ARL16: variants seen among roughly 807,000 people sequenced by gnomAD.
ARL16 encodes ADP-ribosylation factor-like protein 16.
ARL16 carries 21 observed loss-of-function variants against 14.1 expected under a neutral mutation model. The observed-to-expected ratio is 1.48, with a 90% confidence interval of 1.05 to 2.14. The LOEUF (loss-of-function observed/expected upper bound fraction) is 2.14, where lower values mean the gene tolerates loss of function less well. Among genes scored for constraint, ARL16 ranks in the 30% most tolerant of loss-of-function variants. The pLI is 0.00. For synonymous variants in ARL16, 122 were observed against 91.8 expected (o/e 1.33, Z -1.88); for missense variants, 248 against 222.0 (o/e 1.12, Z -0.74).
At position 81,681,899 on chromosome 17, in the gene ARL16, C is replaced by T; in HGVS notation, c.351-20G>A. 1 of 1,606,624 alleles carries T rather than the reference C, an allele frequency of 6.2e-7. No individual in the cohort carries two copies. Among genetic ancestry groups the T allele is most frequent in the Non-Finnish European group, 8.5e-7 (1 of 1,176,436 alleles). On this transcript the variant is annotated intron_variant, in intron 4 of 4. Coordinates refer to ENST00000622299, the MANE Select transcript of ARL16 (RefSeq NM_001040025.3). ...AGGTCGCTGGAGAGAAAGAGGTGCC[C>T]CATCAGAGCAGTGGCAGCCACACAC...
intron 3 of ARL16, chr17:81,682,763 T>A: frequency 1.8e-6 from 1 of 544,750 alleles, no homozygotes; most frequent in South Asian, 2.2e-5. Context: ...CCAAGTCTGT[T>A]CTCTGCGGAG....
rs373012674 is a variant in ARL16 at position 81,683,028 on chromosome 17, G to A, written c.219C>T (p.Asn73=). The A allele has an allele frequency of 1.1e-5, 18 of 1,613,554 alleles. No homozygotes were observed. Among genetic ancestry groups the A allele is most frequent in the Middle Eastern group, 1.6e-4 (1 of 6,084 alleles). Residue 73 remains asparagine, a synonymous_variant, in exon 3 of 5, where the codon AAC becomes AAT. Transcript: ENST00000622299. ...TACAACCCACCAGGAGAGAACGGCAGTTTCCATAGTAACTGGACCAGATGG... is the reference window on the plus strand; with the variant it reads ...TACAACCCACCAGGAGAGAACGGCAATTTCCATAGTAACTGGACCAGATGG... ...MGPIWSSYYG[N]CRSLLFVMDA...
In ARL16 at chr17:81,683,547, T is replaced by A. The variant is rs1372481496; in HGVS notation, c.109A>T (p.Thr37Ser). The A allele has an allele frequency of 6.3e-7, 1 of 1,596,592 alleles. No individual in the cohort carries two copies. Among genetic ancestry groups the A allele is most frequent in the African/African-American group, 1.3e-5 (1 of 74,568 alleles). Residue 37 changes from threonine (T) to serine (S), a missense_variant, in exon 2 of 5, where the codon ACA becomes TCA. By Grantham distance (58) the Thr-to-Ser change is moderately conservative. Transcript: ENST00000622299. ...GGGCGGACACCTACCGTGGGCCGTG[T>A]CGGGGGCGGCTCCCCCAGGTCGCCT... is the stretch of plus-strand genomic sequence containing the variant. ...GKGDLGEPPP[T>S]RPTVGTNLTD... is the part of the protein sequence containing the mutation.
At position 81,682,151 on chromosome 17, in the gene ARL16, T is replaced by C. The variant is rs777887860; in HGVS notation, c.235-2A>G. The C allele has an allele frequency of 4.4e-6, 7 of 1,593,488 alleles. No homozygotes were observed. The East Asian group carries it at 9.0e-5, about 21-fold the overall frequency. Reference sequence around the variant, plus strand: ...GGGGTCAGAGGCGTCCATCACAAACTGGGGAAAAAGAAAAAGACAGCAGCA... The same window carrying C: ...GGGGTCAGAGGCGTCCATCACAAACCGGGGAAAAAGAAAAAGACAGCAGCA... On this transcript the variant is annotated splice_acceptor_variant, in intron 3 of 4. Coordinates refer to ENST00000622299, the MANE Select transcript of ARL16 (RefSeq NM_001040025.3). LOFTEE classifies it high-confidence loss of function.
In ARL16 at chr17:81,683,145, T is replaced by G. The variant is rs1385693364; in HGVS notation, c.121-19A>C. ...TGCCCACCTATAGGAAAAACCACGA[T>G]GCAAAAAGAACAATACAACCGCTGT... is the stretch of plus-strand genomic sequence containing the variant. On this transcript the variant is annotated intron_variant, in intron 2 of 4. Coordinates refer to ENST00000622299, the MANE Select transcript of ARL16 (RefSeq NM_001040025.3). The G allele has an allele frequency of 1.3e-6, 2 of 1,595,764 alleles. No individual in the cohort carries two copies. Among genetic ancestry groups the G allele is most frequent in the African/African-American group, 1.4e-5 (1 of 73,938 alleles).
Position 81,683,757 on chromosome 17 carries a change from G to T in ARL16, c.-4C>A. ...TGGCCCCCAGCAGGAGACACATTCC[G>T]TGCTTCGCTCCACCCGGCACCCGTA... On this transcript the variant is annotated 5_prime_UTR_variant, in exon 1 of 5. Transcript: ENST00000622299. 1 of 1,607,660 alleles carries T rather than the reference G, an allele frequency of 6.2e-7. No homozygotes were observed.
intron 2 of ARL16, 67 bp downstream of exon 2, chr17:81,683,469 G>A (rs2036898703): frequency 9.6e-6 from 14 of 1,461,346 alleles, no homozygotes; most frequent in Non-Finnish European, 1.2e-5. Flanking sequence ...ACTTAGAGGA[G>A]CCCGGAGCTC....
At chr17:81,681,967 G>A in intron 4 of ARL16, 67 bp downstream of exon 4, 1 of 1,563,424 alleles carries the variant, frequency 6.4e-7, no homozygotes, top group Admixed American at 1.8e-5. Context: ...ACCGAGCCAT[G>A]CTTCCGGCTG....
At position 81,681,826 on chromosome 17, in the gene ARL16, G is replaced by A; in HGVS notation, c.404C>T (p.Pro135Leu). The A allele has an allele frequency of 6.2e-7, 1 of 1,613,056 alleles. No homozygotes were observed. The highest frequency in any genetic ancestry group is 1.3e-5 in the African/African-American group (1 of 74,990). ...CTGCTTGGCACAAGCAATGATGTCT[G>A]GAAGCCTGATTAATGACTTCATCTC... The part of the protein sequence containing the change: ...TEEMKSLIRL[P>L]DIIACAKQNI... Residue 135 changes from proline to leucine, a missense_variant, in exon 5 of 5, where the codon CCA (proline) becomes CTA (leucine). By Grantham distance (98) the Pro-to-Leu change is moderately conservative. Transcript: ENST00000622299.
chr17:81,682,748 G>T, intron 3 of ARL16: 1 of 502,380 alleles, frequency 2.0e-6, no homozygotes, highest in Non-Finnish European at 3.5e-6. Context: ...GAGTGACACA[G>T]AGGGCCAAGT....
At chr17:81,683,399 G>T in intron 2 of ARL16, 137 bp downstream of exon 2, 1 of 1,202,724 alleles carries the variant, frequency 8.3e-7, no homozygotes, top group Non-Finnish European at 1.1e-6. Context: ...AGCTCGGGCC[G>T]TCCCCCGCTC....
At chr17:81,681,170 C>A (rs569104491), downstream of ARL16, 44 of 153,868 alleles carry the variant, frequency 2.9e-4, no homozygotes, top group Non-Finnish European at 4.8e-4. Flanking sequence ...GCAGGCCCTG[C>A]TCATCCAGTC....
rs1426654168 is a variant in ARL16, at chr17:81,683,728, C to T, written c.26G>A (p.Gly9Asp). The change falls in exon 1 of 5, where the codon GGC becomes GAC. Residue 9 changes from glycine (G) to aspartate (D), a missense_variant. Physicochemically the swap from Gly to Asp is moderately conservative, Grantham distance 94 (BLOSUM62 -1). Coordinates refer to ENST00000622299, the MANE Select transcript of ARL16 (RefSeq NM_001040025.3). ...TTTCACCAGCAGCGTCTTCCCGACG[C>T]CCGTGGCCCCCAGCAGGAGACACAT... is the stretch of plus-strand genomic sequence containing the variant. MCLLLGAT[G>D]VGKTLLVKRL... 2.5e-6 allele frequency: 4 copies of T among 1,607,786 alleles called. No individual in the cohort carries two copies. The highest frequency in any genetic ancestry group is 3.4e-6 in the Non-Finnish European group (4 of 1,178,462).
intron 2 of ARL16, 27 bp from the exon 3 acceptor site, chr17:81,683,153 G>A (rs775875380): frequency 1.9e-6 from 3 of 1,584,716 alleles, no homozygotes; most frequent in East Asian, 2.2e-5. Context: ...GATGCAAAAA[G>A]AACAATACAA....
At position 81,683,683 on chromosome 17, in the gene ARL16, G is replaced by A. The variant is rs201801115; in HGVS notation, c.61+10C>T. On this transcript the variant is annotated intron_variant, in intron 1 of 4. Coordinates refer to ENST00000622299, the MANE Select transcript of ARL16 (RefSeq NM_001040025.3). ...CCGCGCCCCGGTCCCGTCCCCGCGCGGAAGGATATCCTGCAGCCGTTTCAC... is the reference window on the plus strand; with the variant it reads ...CCGCGCCCCGGTCCCGTCCCCGCGCAGAAGGATATCCTGCAGCCGTTTCAC... 5.6e-4 allele frequency: 902 copies of A among 1,600,976 alleles called. 2 individuals are homozygous for A. The highest frequency in any genetic ancestry group is 1.2e-3 in the Middle Eastern group (7 of 6,040).
chr17:81,682,862 G>C (rs764255408), intron 3 of ARL16, 151 bp downstream of exon 3: 31 of 700,304 alleles, frequency 4.4e-5, no homozygotes, highest in Admixed American at 5.8e-5. Context: ...GTGCCCAGCA[G>C]GAAGCAACAC....
At chr17:81,682,779 G>C in intron 3 of ARL16, 1 of 568,398 alleles carries the variant, frequency 1.8e-6, no homozygotes. Context: ...CGGAGCAGCA[G>C]CCCTGCCCTC....
At chr17:81,683,295 C>T in intron 2 of ARL16, 169 bp from the exon 3 acceptor site, 1 of 814,464 alleles carries the variant, frequency 1.2e-6, no homozygotes, top group Non-Finnish European at 1.9e-6. Context: ...GCTGGACTCG[C>T]TGTGGGGGCG....
chr17:81,683,637 C>CCGCCCCACTCCGGGTG, intron 1 of ARL16, 43 bp from the exon 2 acceptor site: 1 of 1,589,312 alleles, frequency 6.3e-7, no homozygotes, highest in South Asian at 1.1e-5. Context: ...GGGTGAGTCC[C>CCGCCCCACTCCGGGTG]CGCCCCACTC....
Sources: gnomAD v4.1 joint callset for allele counts on GRCh38, gnomAD v4.1.1 for gene constraint, MANE v1.5 for transcripts, NCBI Gene and HGNC (gene_info 2026-07-23, HGNC 2026-07-21) for gene names.